Variants in ARAP2 observed in about 807,000 individuals in gnomAD.
ARAP2 encodes the protein arf-GAP with Rho-GAP domain, ANK repeat and PH domain-containing protein 2.
A neutral mutation model predicts 194.5 loss-of-function variants in ARAP2; 148 were observed. That is an observed-to-expected ratio of 0.76 (90% CI 0.67 to 0.87). ARAP2 has a LOEUF of 0.87. ARAP2 is among the 40% of genes least tolerant of loss of function. The pLI, the probability that ARAP2 is intolerant of heterozygous loss-of-function variation, is 0.00. For missense variants in ARAP2, 2,128 were observed against 1,989.7 expected (o/e 1.07, Z -1.32); for synonymous variants, 695 against 683.5 (o/e 1.02, Z -0.26).
At chr4:36,118,703 A>G (rs922837854) in intron 24 of ARAP2, among the ~76,000 whole-genome samples, 2 of 151,438 alleles carry the variant, frequency 1.3e-5, no homozygotes. Flanking sequence ...CCGCTCCCAA[A>G]AAAAGTGAGA....
intron 1 of ARAP2, among the ~76,000 whole-genome samples, chr4:36,236,522 A>T (rs1752489180): frequency 6.6e-6 from 1 of 152,244 alleles, no homozygotes; most frequent in African/African-American, 2.4e-5. Flanking sequence ...TCCTTAGCAA[A>T]GTTAGAAACT....
chr4:36,136,445 A>G (rs1000201343), intron 19 of ARAP2, among the ~76,000 whole-genome samples: 1 of 151,846 alleles, frequency 6.6e-6, no homozygotes, highest in East Asian at 1.9e-4. Context: ...TAGGACTAAC[A>G]AAAACAATTA....
intron 7 of ARAP2, among the ~76,000 whole-genome samples, chr4:36,193,216 T>A (rs1195215145): frequency 1.3e-5 from 2 of 152,134 alleles, no homozygotes; most frequent in East Asian, 3.8e-4. Flanking sequence ...TATTCTTCTG[T>A]CCTGCAGCAA....
Position 36,124,894 on chromosome 4 carries a change from T to C in ARAP2, c.3714A>G (p.Ala1238=). ...FIRSLPGVNR[A]TLAAIIEHLY... is the part of the protein sequence containing the mutation. ...GGTGTTCAATGATAGCTGCTAGTGT[T>C]GCTCGGTTGACCCCTGGAAGAGAAC... Residue 1238 remains alanine (A), a synonymous_variant, in exon 22 of 33, where the codon GCA becomes GCG. Transcript: ENST00000303965. 6.2e-7 allele frequency: 1 copy of C among 1,611,220 alleles called. No individual in the cohort carries two copies. Among genetic ancestry groups the C allele is most frequent in the African/African-American group, 1.3e-5 (1 of 74,850 alleles).
chr4:36,160,568 TG>T lies in ARAP2; in HGVS notation c.2332del (p.His778IlefsTer6). ...TCTCTTTTCTACTGGTGAGTCCATA[TG>T]TAATTCTTCATCCTTTTGAAGATTA... The part of the protein sequence containing the change: ...AGNLQKDEEL[H>X]MDSPVEKRKN... On this transcript the variant is annotated frameshift_variant, in exon 13 of 33. Coordinates refer to ENST00000303965, the MANE Select transcript of ARAP2 (RefSeq NM_015230.4). LOFTEE classifies it high-confidence loss of function. The T allele has an allele frequency of 2.6e-6, 4 of 1,555,534 alleles. No homozygotes were observed. Among genetic ancestry groups the T allele is most frequent in the Non-Finnish European group, 3.4e-6 (4 of 1,159,974 alleles).
intron 12 of ARAP2, among the ~76,000 whole-genome samples, chr4:36,161,130 AAAACACACACACAC>A (rs1429472912): frequency 1.5e-5 from 2 of 134,026 alleles, no homozygotes; most frequent in Non-Finnish European, 3.1e-5. Context: ...TGTTGGGTTT[AAAACACACACACAC>A]AAACACACAC....
At chr4:36,107,744 T>G in intron 26 of ARAP2, 51 bp from the exon 27 acceptor site, 1 of 1,518,730 alleles carries the variant, frequency 6.6e-7, no homozygotes, top group Non-Finnish European at 8.8e-7. Flanking sequence ...GGATAACAAT[T>G]TTTTATTTTA....
chr4:36,234,467 G>A (rs980554693), intron 1 of ARAP2, among the ~76,000 whole-genome samples: 11 of 152,078 alleles, frequency 7.2e-5, no homozygotes, highest in Non-Finnish European at 1.2e-4. Context: ...CATACAAATC[G>A]GGAGCGGGGG....
chr4:36,073,413 C>G (rs2109317633), intron 32 of ARAP2, among the ~76,000 whole-genome samples: 1 of 152,082 alleles, frequency 6.6e-6, no homozygotes, highest in East Asian at 1.9e-4. Context: ...GTGATTTTAC[C>G]ACCAGAATTT....
intron 3 of ARAP2, among the ~76,000 whole-genome samples, chr4:36,049,181 C>G (rs1207851053): frequency 1.3e-5 from 2 of 151,896 alleles, no homozygotes; most frequent in African/African-American, 4.8e-5. Flanking sequence ...TAGGAACATA[C>G]TGTGTTTTTA....
chr4:36,069,985 C>T (rs1171766948), intron 32 of ARAP2, among the ~76,000 whole-genome samples: 3 of 152,088 alleles, frequency 2.0e-5, no homozygotes, highest in Non-Finnish European at 4.4e-5. Context: ...GCCTGCTTCC[C>T]CTTTGCGTTC....
downstream of ARAP2, among the ~76,000 whole-genome samples, chr4:36,063,586 C>T (rs555691953): frequency 2.0e-5 from 3 of 152,312 alleles, no homozygotes; most frequent in East Asian, 5.8e-4. Flanking sequence ...TTGATCCCAA[C>T]CCTTTCCTCT....
intron 9 of ARAP2, among the ~76,000 whole-genome samples, chr4:36,007,576 G>A (rs966755731): frequency 2.6e-5 from 4 of 152,080 alleles, no homozygotes; most frequent in Non-Finnish European, 4.4e-5. Context: ...TTCTTACCCC[G>A]CGAAGTATGA....
chr4:36,124,965 T>C lies in ARAP2; in HGVS notation c.3643A>G (p.Thr1215Ala), dbSNP rs1303285302. 3.1e-6 allele frequency: 5 copies of C among 1,593,630 alleles called. No homozygotes were observed. The highest frequency in any genetic ancestry group is 1.7e-5 in the Admixed American group (1 of 59,302). Reference protein sequence around the residue: ...LYPYWISALDTQDDKERIKKY... With the variant: ...LYPYWISALDAQDDKERIKKY... ...TTAATTCTTTCCTTGTCATCTTGCG[T>C]ATCTGAAGGGGAAAAAAAAACAATC... Residue 1215 changes from threonine (T) to alanine (A), a missense_variant and splice_region_variant, in exon 22 of 33, where the codon ACG (threonine) becomes GCG (alanine). Physicochemically the swap from Thr to Ala is moderately conservative, Grantham distance 58 (BLOSUM62 0). Coordinates refer to ENST00000303965, the MANE Select transcript of ARAP2 (RefSeq NM_015230.4).
intron 6 of ARAP2, among the ~76,000 whole-genome samples, chr4:36,198,935 G>T (rs1231562449): frequency 6.6e-6 from 1 of 152,116 alleles, no homozygotes; most frequent in Non-Finnish European, 1.5e-5. Context: ...CACAACTTGG[G>T]CATCTGTAGC....
intron 6 of ARAP2, among the ~76,000 whole-genome samples, chr4:36,202,400 C>A (rs1320413631): frequency 6.6e-6 from 1 of 151,868 alleles, no homozygotes; most frequent in South Asian, 2.1e-4. Flanking sequence ...ATTATATGAA[C>A]CAAATGAGCT....
intron 7 of ARAP2, among the ~76,000 whole-genome samples, chr4:36,192,172 T>G (rs995138112): frequency 5.5e-5 from 2 of 36,310 alleles, no homozygotes; most frequent in Non-Finnish European, 2.3e-4. Context: ...GTTTCTGTTT[T>G]TTTTTTTTTT....
intron 2 of ARAP2, among the ~76,000 whole-genome samples, chr4:36,225,863 C>T (rs1750185763): frequency 6.6e-6 from 1 of 152,122 alleles, no homozygotes; most frequent in Admixed American, 6.5e-5. Context: ...CACTAAATAT[C>T]ATTTGCAGGT....
At chr4:36,159,269 T>C in intron 14 of ARAP2, 62 bp downstream of exon 14, 1 of 1,359,104 alleles carries the variant, frequency 7.4e-7, no homozygotes. Flanking sequence ...AATAGATTTA[T>C]GCTTCAGTCC....
Sources: allele counts gnomAD v4.1 joint callset (sites outside exome capture counted in the v4.1 genomes callset), GRCh38; gene constraint gnomAD v4.1.1; transcripts MANE v1.5; gene names NCBI Gene and HGNC (gene_info 2026-07-23, HGNC 2026-07-21).